OGFOD3: variants seen among roughly 807,000 people sequenced by gnomAD.
OGFOD3 encodes the protein 2-oxoglutarate and iron-dependent oxygenase domain-containing protein 3.
Under a neutral mutation model 39.8 loss-of-function variants are expected in OGFOD3, and 35 were observed. That is an observed-to-expected ratio of 0.88 (90% CI 0.67 to 1.17). OGFOD3 has a LOEUF of 1.17. OGFOD3 is among the 50% of genes most tolerant of loss of function. The probability of loss-of-function intolerance (pLI) is 0.00; values close to 1 mark genes in which losing one functional copy is unlikely to be tolerated. For missense variants in OGFOD3, 438 were observed against 454.5 expected, an observed-to-expected ratio of 0.96 and a Z score of 0.33; for synonymous variants, 200 against 192.0, an observed-to-expected ratio of 1.04 and a Z score of -0.34.
At chr17:82,407,463 G>A (rs1463041038) in intron 4 of OGFOD3, among the ~76,000 whole-genome samples, 1 of 152,144 alleles carries the variant, frequency 6.6e-6, no homozygotes, top group African/African-American at 2.4e-5. Flanking sequence ...TGGCCTCCTG[G>A]GCGGCTGGCA....
rs140632101 is a variant in OGFOD3 at position 82,392,466 on chromosome 17, G to A, written c.892C>T (p.Arg298Cys). 27 of 1,611,642 alleles carry A rather than the reference G, an allele frequency of 1.7e-5. No individual in the cohort carries two copies. The African/African-American group carries it at 2.0e-4, about 12-fold the overall frequency. Residue 298 changes from arginine (R) to cysteine (C), a missense_variant, in exon 9 of 9, where the codon CGT (arginine) becomes TGT (cysteine). Physicochemically the swap from Arg to Cys is radical, Grantham distance 180. Transcript: ENST00000313056. The surrounding 1 kb of genome is among the most constrained non-coding windows in gnomAD (Gnocchi z 4.2). ...CTGAAGGCGATGGTGATGGCGTAAC[G>A]GGTGCCCCAGTGGACCTTCTCCACG... ...HRVEKVHWGT[R>C]YAITIAFSCN...
At chr17:82,400,675 C>T (rs923596110) in intron 7 of OGFOD3, 19 of 151,952 alleles carry the variant, frequency 1.3e-4, no homozygotes, top group Middle Eastern at 3.2e-3. Flanking sequence ...ACTTTTAAAT[C>T]TTGTAGGATG....
chr17:82,405,730 A>T (rs1224356054), intron 5 of OGFOD3, among the ~76,000 whole-genome samples: 1 of 150,918 alleles, frequency 6.6e-6, no homozygotes, highest in Admixed American at 6.6e-5. Flanking sequence ...CAGGTGGATC[A>T]CTTGAGGTCA....
chr17:82,403,907 C>A, intron 7 of OGFOD3, 30 bp downstream of exon 7: 4 of 1,577,676 alleles, frequency 2.5e-6, no homozygotes, highest in Non-Finnish European at 3.4e-6. Context: ...TGTCCACGGG[C>A]ACGCTCACCC....
chr17:82,407,657 C>T (rs933108936), intron 4 of OGFOD3, among the ~76,000 whole-genome samples: 3 of 152,244 alleles, frequency 2.0e-5, no homozygotes, highest in African/African-American at 7.2e-5. Context: ...CTCATCGCCA[C>T]AGCCACTGGC....
At chr17:82,412,694 G>A (rs2052970630) in intron 2 of OGFOD3, among the ~76,000 whole-genome samples, 1 of 152,290 alleles carries the variant, frequency 6.6e-6, no homozygotes, top group Admixed American at 6.5e-5. Flanking sequence ...GAGTGTCGGA[G>A]AGGGGCCCAG....
At position 82,398,234 on chromosome 17, in the gene OGFOD3, A is replaced by G. The variant is rs1168521866; in HGVS notation, c.785T>C (p.Met262Thr). ...CACCGTCTTGTTGGCACCCTCCTCCATGAACATGAACCGCCCTCCGCCGAA... is the reference window on the plus strand; with the variant it reads ...CACCGTCTTGTTGGCACCCTCCTCCGTGAACATGAACCGCCCTCCGCCGAA... ...EDFGGGRFMF[M>T]EEGANKTVEP... The change falls in exon 8 of 9, where the codon ATG (methionine) becomes ACG (threonine). Residue 262 changes from methionine to threonine, a missense_variant. By Grantham distance (81) the Met-to-Thr change is moderately conservative. Transcript: ENST00000313056. The G allele has an allele frequency of 1.2e-6, 2 of 1,614,028 alleles. No homozygotes were observed. Among genetic ancestry groups the G allele is most frequent in the East Asian group, 2.2e-5 (1 of 44,864 alleles).
rs1487352434 is a variant in OGFOD3, at chr17:82,415,307, C to A, written c.304+91G>T. 4 of 1,296,596 alleles carry A rather than the reference C, an allele frequency of 3.1e-6. No individual in the cohort carries two copies. Among genetic ancestry groups the A allele is most frequent in the Non-Finnish European group, 3.3e-6 (3 of 913,374 alleles). 80.3% of individuals were successfully genotyped at this position (1,296,596 alleles called of 1,614,324 possible). ...AGGTTGTCTGCTACCCCCAAGCATA[C>A]CACATCCAACCCAATTCCCACCCCT... On this transcript the variant is annotated intron_variant, in intron 2 of 8. Transcript: ENST00000313056. The surrounding 1 kb of genome is among the most constrained non-coding windows in gnomAD (Gnocchi z 5.3).
Position 82,392,043 on chromosome 17 carries a change from T to C in OGFOD3, c.*355A>G, listed in dbSNP as rs1389378672. 7.6e-6 allele frequency: 2 copies of C among 261,840 alleles called. No individual in the cohort carries two copies. Among genetic ancestry groups the C allele is most frequent in the Non-Finnish European group, 1.4e-5 (2 of 138,072 alleles). 16.2% of individuals were successfully genotyped at this position (261,840 alleles called of 1,614,324 possible). ...TATGGCTGATGCTTTAGCCAGTCTT[T>C]GATGGGCCGGGGGGTTGCTGAACCT... On this transcript the variant is annotated 3_prime_UTR_variant, in exon 9 of 9. Coordinates refer to ENST00000313056, the MANE Select transcript of OGFOD3 (RefSeq NM_024648.3). The surrounding 1 kb of genome is among the most constrained non-coding windows in gnomAD (Gnocchi z 4.2).
In OGFOD3 at chr17:82,397,821, G is replaced by A. The variant is rs1305834877; in HGVS notation, c.823+375C>T. 3.9e-5 allele frequency among the ~76,000 whole-genome samples: 6 copies of A among 152,120 alleles called. No homozygotes were observed. In the East Asian group the frequency reaches 5.8e-4, roughly 15 times the overall value. ...GTCACCGACACTGGGCTGGGGCCTC[G>A]TCTAATCTTAGGTTGCGAGTCTCTT... On this transcript the variant is annotated intron_variant, in intron 8 of 8. Transcript: ENST00000313056.
chr17:82,410,082 C>G (rs922019064), intron 3 of OGFOD3, among the ~76,000 whole-genome samples: 6 of 152,208 alleles, frequency 3.9e-5, no homozygotes, highest in African/African-American at 1.4e-4. Context: ...TTCACCAGCT[C>G]AGGAGATAGG....
chr17:82,416,967 G>A (rs966094393), intron 1 of OGFOD3, among the ~76,000 whole-genome samples: 2 of 152,090 alleles, frequency 1.3e-5, no homozygotes, highest in African/African-American at 2.4e-5. Flanking sequence ...GCACCACCAG[G>A]CTCAGCCTCA....
intron 8 of OGFOD3, among the ~76,000 whole-genome samples, chr17:82,397,289 G>A (rs1175724002): frequency 1.3e-5 from 2 of 150,534 alleles, no homozygotes; most frequent in African/African-American, 2.4e-5. Flanking sequence ...CCACCCCACA[G>A]GTGAGGGCAG....
chr17:82,402,923 CG>C (rs1365517905), intron 7 of OGFOD3, among the ~76,000 whole-genome samples: 9 of 152,020 alleles, frequency 5.9e-5, no homozygotes, highest in Non-Finnish European at 1.2e-4. Flanking sequence ...CGTCGGGGCA[CG>C]CACCTGTGGT....
At chr17:82,407,999 C>T (rs142123987) in intron 4 of OGFOD3, among the ~76,000 whole-genome samples, 5 of 152,170 alleles carry the variant, frequency 3.3e-5, no homozygotes, top group African/African-American at 9.6e-5. Flanking sequence ...AAAAATTAGC[C>T]GGGCATCATG....
At chr17:82,409,515 C>T in intron 3 of OGFOD3, 105 bp from the exon 4 acceptor site, 6 of 1,030,130 alleles carry the variant, frequency 5.8e-6, no homozygotes, top group East Asian at 2.4e-5. Flanking sequence ...GTGGGTCCTG[C>T]GTGTTTAATG....
intron 2 of OGFOD3, among the ~76,000 whole-genome samples, chr17:82,413,504 G>A (rs1280627891): frequency 6.6e-6 from 1 of 152,134 alleles, no homozygotes. Flanking sequence ...GTTGTGAAAA[G>A]GGACCAAAAA....
chr17:82,409,772 G>A (rs1383544260), intron 3 of OGFOD3, among the ~76,000 whole-genome samples: 1 of 152,196 alleles, frequency 6.6e-6, no homozygotes, highest in East Asian at 1.9e-4. Flanking sequence ...GCAGGTGCCT[G>A]TAATCCCAGC....
chr17:82,409,398 C>A lies in OGFOD3; in HGVS notation c.393G>T (p.Lys131Asn). 6.2e-7 allele frequency: 1 copy of A among 1,614,082 alleles called. No individual in the cohort carries two copies. Among genetic ancestry groups the A allele is most frequent in the Non-Finnish European group, 8.5e-7 (1 of 1,179,954 alleles). The change falls in exon 4 of 9, where the codon AAG becomes AAT. Residue 131 changes from lysine (K) to asparagine (N), a missense_variant. Coordinates refer to ENST00000313056, the MANE Select transcript of OGFOD3 (RefSeq NM_024648.3). The stretch of plus-strand genomic sequence containing the variant: ...CGTCAGATCCTCCCAGGGAGAGCCC[C>A]TTTTCAGCTACGCTGCAGGGAGAAA... ...EAERIRSVAE[K>N]GLSLGGSDGG...
Sources: allele counts gnomAD v4.1 joint callset (sites outside exome capture counted in the v4.1 genomes callset), GRCh38; gene constraint gnomAD v4.1.1; non-coding constraint Gnocchi (gnomAD v3.1); transcripts MANE v1.5; gene names NCBI Gene and HGNC (gene_info 2026-07-23, HGNC 2026-07-21).